The following RASGEF1B variants were observed in gnomAD, a reference collection of about 807,000 sequenced individuals.
RASGEF1B encodes the protein RasGEF domain family member 1B, also known as ras-GEF domain-containing family member 1B.
Under a neutral mutation model 65.7 loss-of-function variants are expected in RASGEF1B, and 30 were observed. That is an observed-to-expected ratio of 0.46 (90% CI 0.34 to 0.62). The LOEUF (loss-of-function observed/expected upper bound fraction) is 0.62. Among genes scored for constraint, RASGEF1B ranks in the 20% least tolerant of loss-of-function variants. RASGEF1B has a pLI of 0.01. For synonymous variants in RASGEF1B, 175 were observed against 194.8 expected, an observed-to-expected ratio of 0.90 and a Z score of 0.85; for missense variants, 495 against 580.1, an observed-to-expected ratio of 0.85 and a Z score of 1.51.
chr4:81,464,176 A>G (rs1313381007), intron 1 of RASGEF1B, among the ~76,000 whole-genome samples: 1 of 152,162 alleles, frequency 6.6e-6, no homozygotes, highest in African/African-American at 2.4e-5. Context: ...ACTTTGCAAC[A>G]CAGCCTCAGA....
intron 4 of RASGEF1B, chr4:81,454,729 G>A (rs1428940591): frequency 6.6e-6 from 1 of 152,166 alleles, no homozygotes; most frequent in Non-Finnish European, 1.5e-5. Context: ...CTCAGGAAAT[G>A]ACTCATTCGG....
chr4:81,456,867 A>G (rs559035557), intron 3 of RASGEF1B, 79 bp from the exon 4 acceptor site: 8 of 1,280,326 alleles, frequency 6.2e-6, no homozygotes, highest in Non-Finnish European at 8.7e-6. Context: ...AAAGAGCGTC[A>G]CTGAGAAACT....
chr4:81,444,825 T>C (rs1003010454), intron 8 of RASGEF1B, among the ~76,000 whole-genome samples: 6 of 152,208 alleles, frequency 3.9e-5, no homozygotes, highest in Non-Finnish European at 7.3e-5. Flanking sequence ...TGAGCCACTG[T>C]GCCCAGCCTA....
intron 8 of RASGEF1B, among the ~76,000 whole-genome samples, chr4:81,445,127 G>A (rs1721972777): frequency 6.6e-6 from 1 of 152,158 alleles, no homozygotes; most frequent in Non-Finnish European, 1.5e-5. Context: ...CTAGAAGCCT[G>A]AACAGTTAGA....
chr4:81,456,148 C>A, intron 4 of RASGEF1B: 1 of 246,430 alleles, frequency 4.1e-6, no homozygotes, highest in Non-Finnish European at 7.7e-6. Flanking sequence ...CACAGCAGTC[C>A]TGTCCTCCTC....
intron 2 of RASGEF1B, chr4:81,459,027 A>G (rs997521446): frequency 4.6e-6 from 1 of 218,468 alleles, no homozygotes; most frequent in Non-Finnish European, 8.9e-6. Context: ...GTTCTCTGAC[A>G]TTTCTATTTA....
At position 81,462,570 on chromosome 4, in the gene RASGEF1B, C is replaced by A. The variant is rs528037630; in HGVS notation, c.-6-3056G>T. On this transcript the variant is annotated intron_variant, in intron 1 of 13. Transcript: ENST00000264400. ...TGAACTTGCACATAGCAATAACCAA[C>A]TACTGAGATTCAAGTCACTTCAGCC... Among the ~76,000 whole-genome samples the A allele has an allele frequency of 2.0e-5, 3 of 152,328 alleles. No individual in the cohort carries two copies. The South Asian group carries it at 6.2e-4, about 32-fold the overall frequency.
intron 6 of RASGEF1B, 31 bp from the exon 7 acceptor site, chr4:81,445,869 T>C: frequency 6.5e-7 from 1 of 1,548,086 alleles, no homozygotes; most frequent in Non-Finnish European, 8.9e-7. Flanking sequence ...ACAGATGAGT[T>C]AGAGGAAAAA....
chr4:81,438,184 T>C (rs1235797083), intron 10 of RASGEF1B, among the ~76,000 whole-genome samples: 1 of 152,192 alleles, frequency 6.6e-6, no homozygotes, highest in Admixed American at 6.5e-5. Context: ...GTTAAAAACC[T>C]GGAGACACAG....
rs1445276048 is a variant in RASGEF1B, at chr4:81,447,563, T to C, written c.670A>G (p.Ile224Val). Residue 224 changes from isoleucine to valine, a missense_variant, in exon 6 of 14, where the codon ATT (isoleucine) becomes GTT (valine). Physicochemically the swap from Ile to Val is conservative, Grantham distance 29. Transcript: ENST00000264400. ...GCCTGAACAAATTCTTCTGGCCCAA[T>C]ATAATTGAGCCTCTCCTGAAACACA... ...THIELERLNY[I>V]GPEEFVQAFV... 4 of 1,613,906 alleles carry C rather than the reference T, an allele frequency of 2.5e-6. No individual in the cohort carries two copies. The highest frequency in any genetic ancestry group is 3.4e-6 in the Non-Finnish European group (4 of 1,179,896).
intron 11 of RASGEF1B, 70 bp from the exon 12 acceptor site, chr4:81,434,033 TA>T: frequency 7.5e-7 from 1 of 1,324,650 alleles, no homozygotes. Context: ...GGAGAGGCAA[TA>T]CCATTTGAAA....
chr4:81,451,764 C>T (rs1722269525), intron 4 of RASGEF1B: 1 of 152,180 alleles, frequency 6.6e-6, no homozygotes, highest in South Asian at 2.1e-4. Flanking sequence ...AAAAAGCCAA[C>T]AACTCATTTA....
chr4:81,456,547 A>C (rs1195057114), intron 4 of RASGEF1B, 104 bp downstream of exon 4: 1 of 1,318,098 alleles, frequency 7.6e-7, no homozygotes, highest in South Asian at 1.2e-5. Context: ...CCAAAGGCAA[A>C]ACAGAGAGGA....
At chr4:81,431,465 C>T (rs1014819261) in intron 13 of RASGEF1B, among the ~76,000 whole-genome samples, 13 of 151,992 alleles carry the variant, frequency 8.6e-5, no homozygotes, top group Non-Finnish European at 2.9e-5. Flanking sequence ...CCTTATCCCT[C>T]ATCACTGGGA....
rs368272655 is a variant in RASGEF1B, at chr4:81,459,482, T to G, written c.27A>C (p.Ala9=). MPQTPPFS[A]MFDSSGYNRN... ...GATTGTAACCACTGCTGTCAAACAT[T>G]GCTGAAAAGGGAGGAGTCTGAGGCA... Residue 9 remains alanine (A), a synonymous_variant, in exon 2 of 14, where the codon GCA becomes GCC. Transcript: ENST00000264400. 1.0e-5 allele frequency: 16 copies of G among 1,602,644 alleles called. No homozygotes were observed. Among genetic ancestry groups the G allele is most frequent in the Admixed American group, 1.8e-5 (1 of 56,776 alleles).
chr4:81,456,358 A>T (rs1722439871), intron 4 of RASGEF1B: 1 of 595,094 alleles, frequency 1.7e-6, no homozygotes. Context: ...GGAGGAAAAA[A>T]GGTAAAAGTA....
chr4:81,430,072 C>T (rs1017131459), intron 13 of RASGEF1B, among the ~76,000 whole-genome samples: 1 of 152,172 alleles, frequency 6.6e-6, no homozygotes, highest in South Asian at 2.1e-4. Context: ...GAGGCTGAGG[C>T]GGGCGGATCA....
intron 6 of RASGEF1B, 101 bp downstream of exon 6, chr4:81,447,403 A>G: frequency 1.1e-6 from 1 of 873,912 alleles, no homozygotes; most frequent in Non-Finnish European, 1.8e-6. Flanking sequence ...TTTAAAATCT[A>G]CAACAGAATA....
chr4:81,455,477 C>A (rs575227726), intron 4 of RASGEF1B: 1 of 152,214 alleles, frequency 6.6e-6, no homozygotes, highest in Non-Finnish European at 1.5e-5. Flanking sequence ...CGTTGCAGCA[C>A]ACCACTGAAA....
Sources: gnomAD v4.1 joint callset for allele counts (sites outside exome capture counted in the v4.1 genomes callset) on GRCh38, gnomAD v4.1.1 for gene constraint, MANE v1.5 for transcripts, NCBI Gene and HGNC (gene_info 2026-07-23, HGNC 2026-07-21) for gene names.